Variants in CLASP1 observed in about 807,000 individuals in gnomAD.
The protein encoded by CLASP1 is CLIP-associating protein 1.
Under a neutral mutation model 192.3 loss-of-function variants are expected in CLASP1, and 38 were observed. The ratio of observed to expected loss-of-function variants is 0.20; its 90% CI spans 0.15 to 0.26. CLASP1 has a LOEUF of 0.26. Ranked by LOEUF, CLASP1 falls within the 10% of genes least tolerant of loss-of-function variation. The probability of loss-of-function intolerance (pLI) is 1.00; values close to 1 mark genes in which losing one functional copy is unlikely to be tolerated. For missense variants in CLASP1, 1,433 were observed against 1,932.5 expected (o/e 0.74, Z 4.85); for synonymous variants, 691 against 712.8 (o/e 0.97, Z 0.49).
intron 37 of CLASP1, among the ~76,000 whole-genome samples, chr2:121,351,419 G>C (rs1288879756): frequency 6.6e-6 from 1 of 152,142 alleles, no homozygotes; most frequent in Non-Finnish European, 1.5e-5. Context: ...CATTTCTGTT[G>C]TACCTAAGTA....
chr2:121,401,811 G>A, intron 27 of CLASP1, 57 bp downstream of exon 28: 1 of 795,364 alleles, frequency 1.3e-6, no homozygotes, highest in Admixed American at 1.7e-5. Flanking sequence ...ACTGTTCATA[G>A]TACAGAAGGA....
intron 2 of CLASP1, among the ~76,000 whole-genome samples, chr2:121,534,600 C>A (rs957478572): frequency 1.3e-5 from 2 of 152,082 alleles, no homozygotes; most frequent in South Asian, 4.1e-4. Flanking sequence ...TGCAATGGCA[C>A]GATCTCTGCT....
chr2:121,445,109 A>G, intron 19 of CLASP1: 1 of 440,698 alleles, frequency 2.3e-6, no homozygotes, highest in Non-Finnish European at 4.4e-6. Context: ...TCAACAGCAA[A>G]GCAGAGTCTG....
At chr2:121,405,763 ATCT>A (rs2076818829) in intron 25 of CLASP1, among the ~76,000 whole-genome samples, 1 of 152,252 alleles carries the variant, frequency 6.6e-6, no homozygotes, top group African/African-American at 2.4e-5. Context: ...GTGACAAATC[ATCT>A]TCTATTTTTG....
At chr2:121,348,393 C>T in intron 38 of CLASP1, 119 bp downstream of exon 39, 1 of 869,336 alleles carries the variant, frequency 1.2e-6, no homozygotes, top group Non-Finnish European at 1.8e-6. Context: ...CTCACAGGTC[C>T]TGCCTGGTTT....
intron 2 of CLASP1, among the ~76,000 whole-genome samples, chr2:121,535,697 G>C (rs942627674): frequency 1.3e-5 from 2 of 151,202 alleles, no homozygotes; most frequent in Non-Finnish European, 2.9e-5. Context: ...CACCCAGGCT[G>C]GAGTGTAGTT....
chr2:121,594,365 T>C (rs1217955997), intron 2 of CLASP1, among the ~76,000 whole-genome samples: 1 of 151,568 alleles, frequency 6.6e-6, no homozygotes, highest in Non-Finnish European at 1.5e-5. Context: ...AATTTGAGTA[T>C]GTCTCGTAAA....
At chr2:121,645,314 C>T (rs932496120) in intron 1 of CLASP1, among the ~76,000 whole-genome samples, 2 of 152,180 alleles carry the variant, frequency 1.3e-5, no homozygotes, top group African/African-American at 2.4e-5. Context: ...AAGGTCAATA[C>T]GTGAAAGGGA....
At chr2:121,591,762 C>G (rs765702066) in intron 2 of CLASP1, among the ~76,000 whole-genome samples, 1 of 152,162 alleles carries the variant, frequency 6.6e-6, no homozygotes, top group Non-Finnish European at 1.5e-5. Context: ...ATCCACAAAG[C>G]TTTTAAGGAT....
chr2:121,524,156 C>T (rs930381290), intron 6 of CLASP1, among the ~76,000 whole-genome samples: 1 of 152,198 alleles, frequency 6.6e-6, no homozygotes. Flanking sequence ...ACCTGTCTGG[C>T]CAAAGTCAGC....
At chr2:121,358,255 T>C (rs2065775171) in intron 37 of CLASP1, among the ~76,000 whole-genome samples, 1 of 152,166 alleles carries the variant, frequency 6.6e-6, no homozygotes, top group Non-Finnish European at 1.5e-5. Context: ...AATTTAGAAT[T>C]TGAGGATTTT....
chr2:121,646,135 CA>C (rs1397813510), intron 1 of CLASP1, among the ~76,000 whole-genome samples: 1 of 152,128 alleles, frequency 6.6e-6, no homozygotes, highest in Non-Finnish European at 1.5e-5. Flanking sequence ...TGTTTTTAGA[CA>C]AGGTATCACT....
At chr2:121,494,121 T>C (rs1010058664) in intron 8 of CLASP1, among the ~76,000 whole-genome samples, 1 of 152,112 alleles carries the variant, frequency 6.6e-6, no homozygotes, top group African/African-American at 2.4e-5. Flanking sequence ...AGAAAGGAAA[T>C]CAGTATATTG....
intron 8 of CLASP1, among the ~76,000 whole-genome samples, chr2:121,480,674 C>T (rs2092521167): frequency 6.6e-6 from 1 of 152,216 alleles, no homozygotes; most frequent in Admixed American, 6.5e-5. Context: ...ATGAAATGTG[C>T]TGCCCACCCA....
chr2:121,422,333 T>C (rs1574616602), intron 22 of CLASP1, among the ~76,000 whole-genome samples: 1 of 152,238 alleles, frequency 6.6e-6, no homozygotes, highest in Admixed American at 6.5e-5. Flanking sequence ...AAATGAACTA[T>C]TATTAATGTT....
intron 7 of CLASP1, among the ~76,000 whole-genome samples, chr2:121,503,590 G>A (rs2093833105): frequency 6.6e-6 from 1 of 152,172 alleles, no homozygotes; most frequent in Non-Finnish European, 1.5e-5. Flanking sequence ...AGAAGTGTGT[G>A]TTTCTCCTCT....
intron 8 of CLASP1, among the ~76,000 whole-genome samples, chr2:121,498,465 G>A (rs925670341): frequency 6.6e-6 from 1 of 151,968 alleles, no homozygotes; most frequent in Admixed American, 6.6e-5. Context: ...TCTCGGTCTC[G>A]CAAAGTGCTG....
intron 33 of CLASP1, among the ~76,000 whole-genome samples, chr2:121,380,107 G>T (rs2149338929): frequency 6.6e-6 from 1 of 152,276 alleles, no homozygotes; most frequent in South Asian, 2.1e-4. Flanking sequence ...TACTTTCTTT[G>T]CTATTTTTAT....
At chr2:121,517,075 G>GA (rs1233820317) in intron 6 of CLASP1, among the ~76,000 whole-genome samples, 1 of 152,084 alleles carries the variant, frequency 6.6e-6, no homozygotes, top group Non-Finnish European at 1.5e-5. Context: ...AATGGCTCAA[G>GA]AAAAAAGTAT....
Sources: gnomAD v4.1 joint callset for allele counts (sites outside exome capture counted in the v4.1 genomes callset) on GRCh38, gnomAD v4.1.1 for gene constraint, MANE v1.5 for transcripts, NCBI Gene and HGNC (gene_info 2026-07-23, HGNC 2026-07-21) for gene names.